Variants in RTN3 observed in about 807,000 individuals in gnomAD.
RTN3 encodes the protein reticulon 3, also known as reticulon-3.
Under a neutral mutation model 77.8 loss-of-function variants are expected in RTN3, and 49 were observed. That is an observed-to-expected ratio of 0.63 (90% CI 0.50 to 0.80). The LOEUF is 0.80. RTN3 is among the 30% of genes least tolerant of loss of function. RTN3 has a pLI of 0.00. For synonymous variants in RTN3, 464 were observed against 446.9 expected (o/e 1.04, Z -0.48); for missense variants, 1,236 against 1,211.9 (o/e 1.02, Z -0.29).
intron 1 of RTN3, among the ~76,000 whole-genome samples, chr11:63,686,193 G>A (rs1200740047): frequency 1.3e-5 from 2 of 152,168 alleles, no homozygotes; most frequent in Non-Finnish European, 2.9e-5. Context: ...TAACTTGGCC[G>A]GGCACGGTGG....
intron 3 of RTN3, among the ~76,000 whole-genome samples, chr11:63,722,978 C>T (rs2011928233): frequency 6.6e-6 from 1 of 152,170 alleles, no homozygotes; most frequent in Non-Finnish European, 1.5e-5. Flanking sequence ...TGGCAAATTC[C>T]TGTTTTAGCA....
intron 2 of RTN3, among the ~76,000 whole-genome samples, chr11:63,715,347 A>C (rs1565317001): frequency 6.6e-6 from 1 of 152,266 alleles, no homozygotes; most frequent in East Asian, 1.9e-4. Context: ...ATCATCTGAA[A>C]TCTCCATCTC....
intron 3 of RTN3, among the ~76,000 whole-genome samples, chr11:63,744,678 A>G (rs1039295692): frequency 1.3e-5 from 2 of 152,224 alleles, no homozygotes; most frequent in Non-Finnish European, 2.9e-5. Context: ...GAACAGGTAC[A>G]TGAAAATAAA....
intron 2 of RTN3, among the ~76,000 whole-genome samples, chr11:63,715,088 C>CT (rs1477965471): frequency 6.6e-6 from 1 of 152,110 alleles, no homozygotes; most frequent in Non-Finnish European, 1.5e-5. Flanking sequence ...TGGTTGCTTT[C>CT]TTTTTTGTTT....
At chr11:63,726,291 G>A (rs550414723) in intron 3 of RTN3, among the ~76,000 whole-genome samples, 1 of 152,298 alleles carries the variant, frequency 6.6e-6, no homozygotes, top group African/African-American at 2.4e-5. Context: ...CATGAAATTA[G>A]TTTTTTATTT....
At chr11:63,704,133 G>T (rs1942381291) in intron 1 of RTN3, among the ~76,000 whole-genome samples, 1 of 151,898 alleles carries the variant, frequency 6.6e-6, no homozygotes, top group African/African-American at 2.4e-5. Flanking sequence ...TTCTTGAGTA[G>T]CTGGGATTAC....
At chr11:63,731,075 A>AT (rs35424226) in intron 3 of RTN3, among the ~76,000 whole-genome samples, 2,600 of 147,652 alleles carry the variant, frequency 0.018, 75 homozygotes, top group African/African-American at 0.058. Flanking sequence ...ATTTCAAAGG[A>AT]TTTTTTTTTT....
intron 1 of RTN3, among the ~76,000 whole-genome samples, chr11:63,688,983 T>C (rs1184963921): frequency 6.6e-6 from 1 of 152,200 alleles, no homozygotes; most frequent in Non-Finnish European, 1.5e-5. Flanking sequence ...TTTGTAATTC[T>C]GAACAGAATT....
Position 63,753,720 on chromosome 11 carries a change from T to C in RTN3, c.2994+12T>C, listed in dbSNP as rs750046999. The C allele has an allele frequency of 5.0e-6, 8 of 1,611,770 alleles. No homozygotes were observed. The East Asian group carries it at 1.8e-4, about 36-fold the overall frequency. On this transcript the variant is annotated intron_variant, in intron 7 of 8. Coordinates refer to ENST00000377819, the MANE Select transcript of RTN3 (RefSeq NM_001265589.2). ...ATGAGAAGTACAAGGTAAGCATTTA[T>C]CTGTTCCAAATCAAATGTGCCAGTT... is the stretch of plus-strand genomic sequence containing the variant.
chr11:63,696,866 TTTC>T (rs1941973162), intron 1 of RTN3, among the ~76,000 whole-genome samples: 2 of 60,880 alleles, frequency 3.3e-5, no homozygotes, highest in African/African-American at 1.1e-4. Context: ...ATTTTCTTTC[TTTC>T]TTTCTTTCTT....
chr11:63,706,711 ATATTTT>A (rs1942509439), intron 2 of RTN3, among the ~76,000 whole-genome samples: 1 of 152,144 alleles, frequency 6.6e-6, no homozygotes, highest in South Asian at 2.1e-4. Context: ...GAACTTGACA[ATATTTT>A]TATTTTTAAG....
intron 3 of RTN3, among the ~76,000 whole-genome samples, chr11:63,729,959 A>G: frequency 6.6e-6 from 1 of 150,788 alleles, no homozygotes; most frequent in East Asian, 1.9e-4. Context: ...TAGTTTTTAA[A>G]TTAATTTTAT....
intron 8 of RTN3, among the ~76,000 whole-genome samples, chr11:63,757,597 G>A (rs952454829): frequency 2.0e-5 from 3 of 152,246 alleles, no homozygotes; most frequent in African/African-American, 7.2e-5. Flanking sequence ...GGCTTCAAGT[G>A]ATCCTCCCAC....
At chr11:63,726,801 G>A (rs1362867526) in intron 3 of RTN3, among the ~76,000 whole-genome samples, 2 of 151,674 alleles carry the variant, frequency 1.3e-5, no homozygotes, top group East Asian at 3.9e-4. Context: ...GGTGGAGGTT[G>A]CAGTGAGCCA....
intron 1 of RTN3, among the ~76,000 whole-genome samples, chr11:63,698,151 A>G (rs1290874596): frequency 1.3e-4 from 20 of 151,124 alleles, no homozygotes; most frequent in African/African-American, 4.9e-4. Context: ...TTTTTCTTTA[A>G]AACAGTGTCT....
chr11:63,748,295 C>T lies in RTN3; in HGVS notation c.2531-1696C>T, dbSNP rs113799557. ...TTGGGGACTTACAAACTGGGAAAAT[C>T]GAAATACTTCTACTTAAACTCATTT... On this transcript the variant is annotated intron_variant, in intron 3 of 8. Coordinates refer to ENST00000377819, the MANE Select transcript of RTN3 (RefSeq NM_001265589.2). 2.5e-3 allele frequency among the ~76,000 whole-genome samples: 379 copies of T among 149,744 alleles called. 4 individuals carry two copies. The highest frequency in any genetic ancestry group is 8.0e-3 in the African/African-American group (327 of 40,640).
At chr11:63,699,566 T>A (rs767662463) in intron 1 of RTN3, among the ~76,000 whole-genome samples, 5 of 152,154 alleles carry the variant, frequency 3.3e-5, no homozygotes, top group African/African-American at 7.2e-5. Flanking sequence ...CGTGATATTG[T>A]CACACCCTTA....
intron 3 of RTN3, among the ~76,000 whole-genome samples, chr11:63,735,550 T>TTCTTTCTCTCTCTCTCTCTCTC (rs2013034542): frequency 2.3e-5 from 1 of 42,686 alleles, no homozygotes; most frequent in Non-Finnish European, 4.2e-5. Context: ...ATTCTAACAT[T>TTCTTTCTCTCTCTCTCTCTCTC]TCTCTCTCTC....
intron 1 of RTN3, among the ~76,000 whole-genome samples, chr11:63,683,931 TTTC>T (rs1941203227): frequency 6.7e-6 from 1 of 149,008 alleles, no homozygotes; most frequent in Non-Finnish European, 1.5e-5. Context: ...TTCTTTCTCT[TTTC>T]TTTTCTTTCT....
Sources: allele counts gnomAD v4.1 joint callset (sites outside exome capture counted in the v4.1 genomes callset), GRCh38; gene constraint gnomAD v4.1.1; transcripts MANE v1.5; gene names NCBI Gene and HGNC (gene_info 2026-07-23, HGNC 2026-07-21).